The following DPYD variants were observed in gnomAD, a reference collection of about 807,000 sequenced individuals.
DPYD encodes dihydropyrimidine dehydrogenase.
In DPYD, 109 loss-of-function variants were observed where a neutral mutation model predicts 116.2. The ratio of observed to expected loss-of-function variants is 0.94; its 90% CI spans 0.80 to 1.10. DPYD has a LOEUF of 1.10. Ranked by LOEUF, DPYD falls within the 50% of genes least tolerant of loss-of-function variation. The pLI, the probability that DPYD is intolerant of heterozygous loss-of-function variation, is 0.00. For missense variants in DPYD, 1,302 were observed against 1,254.5 expected, an observed-to-expected ratio of 1.04 and a Z score of -0.57; for synonymous variants, 440 against 432.0, an observed-to-expected ratio of 1.02 and a Z score of -0.23.
Position 97,528,558 on chromosome 1 carries a change from A to C in DPYD, c.1525-12617T>G, listed in dbSNP as rs187614327. On this transcript the variant is annotated intron_variant, in intron 12 of 22. Transcript: ENST00000370192. ...CTCTACCCCCAATTATCAGCTCTTTAGCAACTTAATGTAGTAACATGCAAA... is the reference window on the plus strand; with the variant it reads ...CTCTACCCCCAATTATCAGCTCTTTCGCAACTTAATGTAGTAACATGCAAA... Among the ~76,000 whole-genome samples, 131 of 152,216 alleles carry C rather than the reference A, an allele frequency of 8.6e-4. 1 individual carries two copies. The highest frequency in any genetic ancestry group is 1.8e-3 in the Non-Finnish European group (121 of 67,970).
intron 20 of DPYD, among the ~76,000 whole-genome samples, chr1:97,174,308 A>C (rs182888009): frequency 1.3e-5 from 2 of 152,246 alleles, no homozygotes; most frequent in African/African-American, 4.8e-5. Context: ...GGCCTACCAA[A>C]AGACCTAATC....
At chr1:97,270,338 C>A (rs1049427602) in intron 18 of DPYD, among the ~76,000 whole-genome samples, 1 of 152,120 alleles carries the variant, frequency 6.6e-6, no homozygotes, top group Non-Finnish European at 1.5e-5. Flanking sequence ...TTATTCTTCC[C>A]TACCCCAATC....
chr1:97,173,223 TACATATATGC>T (rs1207815707), intron 20 of DPYD, among the ~76,000 whole-genome samples: 5 of 98,142 alleles, frequency 5.1e-5, no homozygotes, highest in Non-Finnish European at 7.3e-5. Context: ...CACATATACG[TACATATATGC>T]GCACACATAT....
intron 13 of DPYD, among the ~76,000 whole-genome samples, chr1:97,508,356 T>C (rs1647512501): frequency 6.6e-6 from 1 of 151,876 alleles, no homozygotes; most frequent in Non-Finnish European, 1.5e-5. Context: ...AGCAAAATGG[T>C]CCTAAGACAG....
At chr1:97,736,285 T>C (rs1663935957) in intron 4 of DPYD, among the ~76,000 whole-genome samples, 1 of 151,852 alleles carries the variant, frequency 6.6e-6, no homozygotes, top group Middle Eastern at 3.4e-3. Context: ...TTCTATGAAG[T>C]GGAAAAATAA....
intron 14 of DPYD, among the ~76,000 whole-genome samples, chr1:97,446,138 A>G (rs1196547395): frequency 6.6e-6 from 1 of 152,224 alleles, no homozygotes; most frequent in Non-Finnish European, 1.5e-5. Context: ...GTTGCTGCAG[A>G]AATCTGAAGT....
At chr1:97,571,648 C>A (rs1014685826) in intron 11 of DPYD, among the ~76,000 whole-genome samples, 2 of 151,890 alleles carry the variant, frequency 1.3e-5, no homozygotes, top group South Asian at 4.1e-4. Flanking sequence ...CCAGAAATGA[C>A]ATGACATAGT....
intron 21 of DPYD, among the ~76,000 whole-genome samples, chr1:97,092,728 C>A (rs1649974531): frequency 6.6e-6 from 1 of 152,050 alleles, no homozygotes; most frequent in South Asian, 2.1e-4. Flanking sequence ...GTTTTTCATG[C>A]TACACCCCAA....
intron 8 of DPYD, among the ~76,000 whole-genome samples, chr1:97,613,955 A>G (rs1184367427): frequency 6.6e-6 from 1 of 152,056 alleles, no homozygotes; most frequent in Non-Finnish European, 1.5e-5. Context: ...GCTCACGAAG[A>G]GCCAGGGGGA....
chr1:97,370,164 T>C (rs1671244694), intron 16 of DPYD, among the ~76,000 whole-genome samples: 1 of 152,132 alleles, frequency 6.6e-6, no homozygotes, highest in Non-Finnish European at 1.5e-5. Flanking sequence ...GGTCAAATGG[T>C]ATTTCTGGTT....
intron 14 of DPYD, among the ~76,000 whole-genome samples, chr1:97,436,301 C>A (rs1024866597): frequency 6.6e-6 from 1 of 151,876 alleles, no homozygotes; most frequent in Non-Finnish European, 1.5e-5. Flanking sequence ...TGTAAGCGAG[C>A]CTACTGAACA....
At chr1:97,280,278 A>C (rs1665235331) in intron 18 of DPYD, 1 of 152,200 alleles carries the variant, frequency 6.6e-6, no homozygotes, top group Admixed American at 6.5e-5. Flanking sequence ...ATGAGGCAGA[A>C]GATATAGAGA....
intron 13 of DPYD, among the ~76,000 whole-genome samples, chr1:97,475,492 A>G (rs1279016853): frequency 6.6e-6 from 1 of 152,240 alleles, no homozygotes; most frequent in Admixed American, 6.5e-5. Context: ...AATTCAAAAT[A>G]GAGCTAGCAT....
At position 97,515,929 on chromosome 1, in the gene DPYD, C is replaced by T; in HGVS notation, c.1537G>A (p.Ala513Thr). The change falls in exon 13 of 23, where the codon GCT becomes ACT. Residue 513 changes from alanine to threonine, a missense_variant. Physicochemically the swap from Ala to Thr is moderately conservative, Grantham distance 58. Transcript: ENST00000370192. ...AGTTCAGGCTTGGCAGAAACGGAAG[C>T]TCCATATTGTGACTGCAAAATACAA... ...IHKYVQSQYG[A>T]SVSAKPELPL... is the part of the protein sequence containing the mutation. 1 of 1,612,344 alleles carries T rather than the reference C, an allele frequency of 6.2e-7. No homozygotes were observed. The highest frequency in any genetic ancestry group is 8.5e-7 in the Non-Finnish European group (1 of 1,178,954).
At chr1:97,602,647 G>A (rs1022628902) in intron 8 of DPYD, among the ~76,000 whole-genome samples, 1 of 151,618 alleles carries the variant, frequency 6.6e-6, no homozygotes, top group Non-Finnish European at 1.5e-5. Context: ...CAAAATTATG[G>A]CTTTCTTTAT....
intron 20 of DPYD, among the ~76,000 whole-genome samples, chr1:97,117,452 C>G (rs1328282659): frequency 6.6e-6 from 1 of 152,180 alleles, no homozygotes; most frequent in Non-Finnish European, 1.5e-5. Context: ...GGGTCAAGCA[C>G]TCTTATCATG....
At chr1:97,291,749 A>G (rs1273679186) in intron 18 of DPYD, among the ~76,000 whole-genome samples, 2 of 152,002 alleles carry the variant, frequency 1.3e-5, no homozygotes, top group Non-Finnish European at 2.9e-5. Context: ...ATGATGAGTT[A>G]ATGGGTGCAG....
chr1:97,449,231 T>A (rs1676259615), intron 14 of DPYD, among the ~76,000 whole-genome samples: 1 of 152,218 alleles, frequency 6.6e-6, no homozygotes, highest in South Asian at 2.1e-4. Context: ...GGTAAAAAAA[T>A]ATTTTCGATG....
At chr1:97,638,364 G>A (rs1657689000) in intron 8 of DPYD, among the ~76,000 whole-genome samples, 4 of 152,040 alleles carry the variant, frequency 2.6e-5, no homozygotes, top group African/African-American at 9.7e-5. Flanking sequence ...ATAAGACACA[G>A]ATGTTTTTGC....
Sources: allele counts gnomAD v4.1 joint callset (sites outside exome capture counted in the v4.1 genomes callset), GRCh38; gene constraint gnomAD v4.1.1; transcripts MANE v1.5; gene names NCBI Gene and HGNC (gene_info 2026-07-23, HGNC 2026-07-21).